PCDH11Y: variants seen among roughly 807,000 people sequenced by gnomAD.
PCDH11Y encodes protocadherin 11 Y-linked.
For missense variants in PCDH11Y, 12 were observed against 224.8 expected (o/e 0.05, Z 6.05); for synonymous variants, 9 against 83.6 (o/e 0.11, Z 4.87).
At chrY:5,041,092 CATTTTT>C (rs2052607468) in intron 3 of PCDH11Y, among the ~76,000 whole-genome samples, 1 of 28,686 alleles carries the variant, frequency 3.5e-5, no homozygotes, top group South Asian at 7.7e-4. Flanking sequence ...TTCTTTTTTT[CATTTTT>C]ATTTTTATTT....
intron 3 of PCDH11Y, among the ~76,000 whole-genome samples, chrY:5,547,667 A>G: frequency 3.1e-5 from 1 of 32,565 alleles, no homozygotes; most frequent in Non-Finnish European, 7.5e-5. Flanking sequence ...AGCCACACTC[A>G]AAATTTAAAT....
chrY:5,201,916 T>C (rs2052927113), intron 2 of PCDH11Y, among the ~76,000 whole-genome samples: 1 of 33,506 alleles, frequency 3.0e-5, no homozygotes, highest in Admixed American at 2.8e-4. Context: ...ACTAGCTAAT[T>C]TTCTTTATTG....
intron 2 of PCDH11Y, among the ~76,000 whole-genome samples, chrY:5,205,543 AAT>A (rs113629927): frequency 4.3e-5 from 1 of 23,103 alleles, no homozygotes; most frequent in Non-Finnish European, 9.6e-5. Flanking sequence ...ATATACACTG[AAT>A]ATATATATAT....
chrY:5,067,105 T>C, intron 1 of PCDH11Y, among the ~76,000 whole-genome samples: 1 of 32,918 alleles, frequency 3.0e-5, no homozygotes, highest in Non-Finnish European at 7.5e-5. Context: ...TTCTCTATAA[T>C]CTATTTTCCC....
At position 5,241,135 on chromosome Y, in the gene PCDH11Y, C is replaced by A. The variant is rs2124655480; in HGVS notation, c.3129+140428C>A. Among the ~76,000 whole-genome samples the A allele has an allele frequency of 3.2e-4, 10 of 30,958 alleles. No individual in the cohort carries two copies. The South Asian group carries it at 7.5e-3, about 23-fold the overall frequency. The allele number at this position is 30,958 out of a possible 37,273, so 83.1% of individuals were successfully genotyped here. ...AAACCTCATGACCAACCTCTGCTAACTTCATTTTTTTTTTTCCTGTAGCTT... is the reference window on the plus strand; with the variant it reads ...AAACCTCATGACCAACCTCTGCTAAATTCATTTTTTTTTTTCCTGTAGCTT... On this transcript the variant is annotated intron_variant, in intron 2 of 4. Coordinates refer to the PCDH11Y transcript ENST00000400457.
intron 2 of PCDH11Y, among the ~76,000 whole-genome samples, chrY:5,352,600 A>G (rs2124670448): frequency 3.0e-5 from 1 of 33,813 alleles, no homozygotes; most frequent in East Asian, 7.8e-4. Flanking sequence ...ATTTTGTCTC[A>G]GAAGCAGACA....
At chrY:5,647,727 G>A (rs2053528407) in intron 4 of PCDH11Y, among the ~76,000 whole-genome samples, 1 of 32,455 alleles carries the variant, frequency 3.1e-5, no homozygotes, top group African/African-American at 1.2e-4. Context: ...GGCTGGTCTC[G>A]AACTCCCGAC....
At chrY:5,490,005 C>CA (rs2053337088) in intron 2 of PCDH11Y, among the ~76,000 whole-genome samples, 2 of 31,735 alleles carry the variant, frequency 6.3e-5, no homozygotes, top group Non-Finnish European at 1.5e-4. Flanking sequence ...ATTAAAATGC[C>CA]AAAAAAAGAG....
chrY:5,040,216 T>C (rs2124622793), intron 3 of PCDH11Y, among the ~76,000 whole-genome samples: 1 of 31,989 alleles, frequency 3.1e-5, no homozygotes, highest in Admixed American at 2.9e-4. Flanking sequence ...TTAACCCTGA[T>C]CACACCACTT....
At chrY:5,514,414 T>G (rs2124689356) in intron 3 of PCDH11Y, among the ~76,000 whole-genome samples, 4 of 33,207 alleles carry the variant, frequency 1.2e-4, no homozygotes, top group South Asian at 1.3e-3. Context: ...AATAAATATA[T>G]AGTCAACATT....
chrY:5,211,108 A>G, intron 2 of PCDH11Y, among the ~76,000 whole-genome samples: 1 of 31,270 alleles, frequency 3.2e-5, no homozygotes, highest in Non-Finnish European at 7.7e-5. Flanking sequence ...GTGGACTAAA[A>G]TCATGGTGAC....
At chrY:5,561,487 G>A (rs2053428517) in intron 3 of PCDH11Y, among the ~76,000 whole-genome samples, 1 of 21,483 alleles carries the variant, frequency 4.7e-5, no homozygotes, top group Admixed American at 4.6e-4. Context: ...CATATGTTGT[G>A]GGGGGAACCC....
chrY:5,239,528 A>T (rs2052985974), intron 2 of PCDH11Y, among the ~76,000 whole-genome samples: 1 of 32,705 alleles, frequency 3.1e-5, no homozygotes. Context: ...TACATATGGA[A>T]CAAACCTGCA....
chrY:5,356,017 A>G, intron 2 of PCDH11Y, among the ~76,000 whole-genome samples: 1 of 33,124 alleles, frequency 3.0e-5, no homozygotes, highest in Admixed American at 2.8e-4. Flanking sequence ...GAGTCAGGTG[A>G]GGAAATAACT....
intron 2 of PCDH11Y, among the ~76,000 whole-genome samples, chrY:5,244,433 G>C: frequency 6.0e-5 from 2 of 33,212 alleles, no homozygotes; most frequent in Admixed American, 2.7e-4. Context: ...GAGGTATCCA[G>C]GTTCTGTCAT....
chrY:5,174,674 T>C (rs2124646085), intron 2 of PCDH11Y, among the ~76,000 whole-genome samples: 7 of 32,880 alleles, frequency 2.1e-4, no homozygotes, highest in Admixed American at 2.8e-4. Context: ...TAACTAGCCA[T>C]CCATAACATA....
At chrY:5,004,802 A>G in intron 1 of PCDH11Y, among the ~76,000 whole-genome samples, 1 of 34,388 alleles carries the variant, frequency 2.9e-5, no homozygotes. Context: ...GTGCCAGACA[A>G]TGTGCTAGGC....
intron 4 of PCDH11Y, among the ~76,000 whole-genome samples, chrY:5,614,758 A>G: frequency 6.9e-5 from 2 of 29,148 alleles, no homozygotes; most frequent in African/African-American, 1.8e-4. Flanking sequence ...AATAACTGAC[A>G]AATTACAAAT....
chrY:5,437,825 C>G, intron 2 of PCDH11Y, among the ~76,000 whole-genome samples: 3 of 33,333 alleles, frequency 9.0e-5, no homozygotes, highest in African/African-American at 3.5e-4. Context: ...AACTATGTGC[C>G]TCTAGACAAG....
Sources: gnomAD v4.1 joint callset for allele counts (sites outside exome capture counted in the v4.1 genomes callset) on GRCh38, gnomAD v4.1.1 for gene constraint, MANE v1.5 for transcripts, NCBI Gene and HGNC (gene_info 2026-07-23, HGNC 2026-07-21) for gene names.